The following VTI1A variants were observed in gnomAD, a reference collection of about 807,000 sequenced individuals.
The protein encoded by VTI1A is vesicle transport through interaction with t-SNAREs 1A.
A neutral mutation model predicts 34.9 loss-of-function variants in VTI1A; 22 were observed. The observed-to-expected ratio is 0.63, with a 90% confidence interval of 0.45 to 0.90. The LOEUF (loss-of-function observed/expected upper bound fraction) is 0.90, where lower values mean the gene tolerates loss of function less well. Ranked by LOEUF, VTI1A falls within the 40% of genes least tolerant of loss-of-function variation. The pLI is 0.00. For synonymous variants in VTI1A, 87 were observed against 97.3 expected (o/e 0.89, Z 0.62); for missense variants, 268 against 275.6 (o/e 0.97, Z 0.20).
chr10:112,756,777 G>A (rs1851295726), intron 7 of VTI1A, among the ~76,000 whole-genome samples: 1 of 152,154 alleles, frequency 6.6e-6, no homozygotes, highest in Non-Finnish European at 1.5e-5. Flanking sequence ...GCTGGGCACA[G>A]TGGCTCACAC....
intron 5 of VTI1A, among the ~76,000 whole-genome samples, chr10:112,602,314 T>A (rs914326418): frequency 4.6e-5 from 7 of 152,210 alleles, no homozygotes; most frequent in African/African-American, 7.2e-5. Flanking sequence ...ATCAAATCTT[T>A]TGCTTAGGCA....
At chr10:112,512,937 A>C (rs1016301822) in intron 3 of VTI1A, among the ~76,000 whole-genome samples, 4 of 152,132 alleles carry the variant, frequency 2.6e-5, no homozygotes, top group Admixed American at 2.6e-4. Context: ...TTTGATTACT[A>C]TAGCCTTGTA....
At chr10:112,845,819 A>G in the VTI1A span, among the ~76,000 whole-genome samples, 2 of 152,094 alleles carry the variant, frequency 1.3e-5, no homozygotes, top group African/African-American at 4.8e-5. Context: ...GGAATTCGAG[A>G]CCAGCCTGGC....
chr10:112,581,707 T>C (rs1298822358), intron 5 of VTI1A, among the ~76,000 whole-genome samples: 1 of 152,202 alleles, frequency 6.6e-6, no homozygotes, highest in East Asian at 1.9e-4. Context: ...GCATTCCTGT[T>C]AGCAAATAGC....
At chr10:112,551,692 G>GT (rs1215168658) in intron 5 of VTI1A, among the ~76,000 whole-genome samples, 2 of 152,168 alleles carry the variant, frequency 1.3e-5, no homozygotes, top group Non-Finnish European at 2.9e-5. Flanking sequence ...TACAATTAGT[G>GT]TTTTTAAGGA....
At chr10:112,559,599 C>T (rs77373153) in intron 5 of VTI1A, among the ~76,000 whole-genome samples, 14,318 of 152,158 alleles carry the variant, frequency 0.094, 998 homozygotes, top group East Asian at 0.27. Context: ...ATGCACCCCC[C>T]AGTGCTGCCA....
intron 5 of VTI1A, among the ~76,000 whole-genome samples, chr10:112,641,907 G>A (rs955660020): frequency 1.3e-5 from 2 of 152,154 alleles, no homozygotes; most frequent in Non-Finnish European, 2.9e-5. Flanking sequence ...AGGAACTGTT[G>A]GGCTTTGTGA....
intron 5 of VTI1A, among the ~76,000 whole-genome samples, chr10:112,613,761 T>A (rs751181245): frequency 1.3e-5 from 2 of 152,220 alleles, no homozygotes; most frequent in Non-Finnish European, 2.9e-5. Flanking sequence ...CCTGACAGGC[T>A]CAGTGCACTT....
Position 112,447,333 on chromosome 10 carries a change from T to G in VTI1A, c.-41T>G, listed in dbSNP as rs1846881206. 2 of 1,598,410 alleles carry G rather than the reference T, an allele frequency of 1.3e-6. No homozygotes were observed. The highest frequency in any genetic ancestry group is 1.7e-6 in the Non-Finnish European group (2 of 1,172,062). ...TCGCTGCCCCTCGAGGCCCTTTCCC[T>G]GACCTAGGCTTTGGCCTGGGCTACT... On this transcript the variant is annotated 5_prime_UTR_variant, in exon 1 of 8. Transcript: ENST00000393077.
intron 7 of VTI1A, among the ~76,000 whole-genome samples, chr10:112,703,132 T>C (rs375249351): frequency 1.8e-4 from 28 of 152,308 alleles, no homozygotes; most frequent in African/African-American, 6.7e-4. Flanking sequence ...CAATAATGTC[T>C]ACTACTAGAT....
At chr10:112,543,309 T>C (rs1164766553) in intron 5 of VTI1A, among the ~76,000 whole-genome samples, 1 of 152,162 alleles carries the variant, frequency 6.6e-6, no homozygotes, top group Non-Finnish European at 1.5e-5. Context: ...GTAAAAGTGT[T>C]CCTATTTCTC....
intron 7 of VTI1A, among the ~76,000 whole-genome samples, chr10:112,723,786 G>A (rs1849902777): frequency 6.6e-6 from 1 of 152,168 alleles, no homozygotes; most frequent in South Asian, 2.1e-4. Flanking sequence ...GTTGATGAAG[G>A]AATAATTTGA....
chr10:112,769,874 G>A (rs185896955), intron 7 of VTI1A, among the ~76,000 whole-genome samples: 2 of 152,224 alleles, frequency 1.3e-5, no homozygotes, highest in Non-Finnish European at 2.9e-5. Context: ...ACCGCAGTGA[G>A]TGAAACAGGC....
At position 112,447,299 on chromosome 10, in the gene VTI1A, C is replaced by T. The variant is rs962202448; in HGVS notation, c.-75C>T. On this transcript the variant is annotated 5_prime_UTR_variant, in exon 1 of 8. Coordinates refer to ENST00000393077, the MANE Select transcript of VTI1A (RefSeq NM_145206.4). ...GGCACCTTCCGGGGTTCCTAAGCCG[C>T]GGGGCCCCTCGCTGCCCCTCGAGGC... The T allele has an allele frequency of 2.0e-6, 3 of 1,509,026 alleles. No homozygotes were observed. In the East Asian group the frequency reaches 7.3e-5, roughly 37 times the overall value. The allele number at this position is 1,509,026 out of a possible 1,614,324, so 93.5% of individuals were successfully genotyped here.
At chr10:112,746,064 A>C (rs1354493085) in intron 7 of VTI1A, among the ~76,000 whole-genome samples, 4 of 152,210 alleles carry the variant, frequency 2.6e-5, no homozygotes, top group Non-Finnish European at 5.9e-5. Flanking sequence ...CTACAGAAAA[A>C]ATGGACATCT....
At chr10:112,832,573 T>C in the VTI1A span, 3 of 152,222 alleles carry the variant, frequency 2.0e-5, no homozygotes, top group Non-Finnish European at 1.5e-5. Flanking sequence ...CCAAGTTGGC[T>C]CCGGTGGAGT....
Position 112,563,553 on chromosome 10 carries a change from T to C in VTI1A, c.427+25223T>C, listed in dbSNP as rs557439296. Among the ~76,000 whole-genome samples the C allele has an allele frequency of 6.0e-3, 915 of 152,304 alleles. 3 individuals are homozygous for C. The highest frequency in any genetic ancestry group is 0.014 in the Middle Eastern group (4 of 294). On this transcript the variant is annotated intron_variant, in intron 5 of 7. Transcript: ENST00000393077. ...AGTCCTGATGTTTCATTGACTGTGT[T>C]TACATTGACCATTCGACTTGCGAGC...
chr10:112,763,792 T>C (rs2134011922), intron 7 of VTI1A, among the ~76,000 whole-genome samples: 1 of 152,252 alleles, frequency 6.6e-6, no homozygotes, highest in South Asian at 2.1e-4. Flanking sequence ...GTCATTGAGT[T>C]TCTGCCTTTG....
chr10:112,809,783 C>T (rs1179945306), intron 7 of VTI1A, among the ~76,000 whole-genome samples: 3 of 152,130 alleles, frequency 2.0e-5, no homozygotes, highest in Non-Finnish European at 4.4e-5. Flanking sequence ...ATCAGGGATA[C>T]AAAAGACAAA....
Sources: allele counts gnomAD v4.1 joint callset (sites outside exome capture counted in the v4.1 genomes callset), GRCh38; gene constraint gnomAD v4.1.1; transcripts MANE v1.5; gene names NCBI Gene and HGNC (gene_info 2026-07-23, HGNC 2026-07-21).